The following TMEM101 variants were observed in gnomAD, a reference collection of about 807,000 sequenced individuals.
TMEM101 encodes putative NF-kappa-B-activating protein 130.
TMEM101 carries 14 observed loss-of-function variants against 26.0 expected under a neutral mutation model. The ratio of observed to expected loss-of-function variants is 0.54; its 90% CI spans 0.36 to 0.84. TMEM101 has a LOEUF of 0.84. Ranked by LOEUF, TMEM101 falls within the 40% of genes least tolerant of loss-of-function variation. The pLI is 0.01. For missense variants in TMEM101, 292 were observed against 345.1 expected, an observed-to-expected ratio of 0.85 and a Z score of 1.22; for synonymous variants, 152 against 145.1, an observed-to-expected ratio of 1.05 and a Z score of -0.34.
Position 44,011,702 on chromosome 17 carries a change from A to G in TMEM101, c.*226T>C. On this transcript the variant is annotated 3_prime_UTR_variant, in exon 4 of 4. Coordinates refer to ENST00000206380, the MANE Select transcript of TMEM101 (RefSeq NM_032376.4). Reference sequence around the variant, plus strand: ...CTGGCCTCAGCTCTCCTAACAGGAAAAAAACCTGTACAGCATTAGTGCCAG... The same window carrying G: ...CTGGCCTCAGCTCTCCTAACAGGAAGAAAACCTGTACAGCATTAGTGCCAG... The G allele has an allele frequency of 1.8e-6, 1 of 555,256 alleles. No individual in the cohort carries two copies. The highest frequency in any genetic ancestry group is 2.3e-5 in the South Asian group (1 of 43,716). 34.4% of individuals were successfully genotyped at this position (555,256 alleles called of 1,614,324 possible). A position where few individuals can be genotyped will look rare whatever the true frequency, so the allele number is the denominator to read the frequency against.
At chr17:44,016,939 C>G (rs901556540), upstream of TMEM101, among the ~76,000 whole-genome samples, 1 of 151,806 alleles carries the variant, frequency 6.6e-6, no homozygotes, top group African/African-American at 2.4e-5. Flanking sequence ...TCAAGACCAG[C>G]CTGGCCAAGA....
Position 44,011,809 on chromosome 17 carries a change from G to T in TMEM101, c.*119C>A. 2 of 1,185,798 alleles carry T rather than the reference G, an allele frequency of 1.7e-6. No individual in the cohort carries two copies. Among genetic ancestry groups the T allele is most frequent in the South Asian group, 1.5e-5 (1 of 65,154 alleles). 73.5% of individuals were successfully genotyped at this position (1,185,798 alleles called of 1,614,324 possible). On this transcript the variant is annotated 3_prime_UTR_variant, in exon 4 of 4. Transcript: ENST00000206380. ...AACTGCAAAAAACAATTTTAAAAAA[G>T]CAAAAGATCAAACAAACAGACCAAA...
rs184694915 is a variant in TMEM101 at position 44,020,809 on chromosome 17, G to A, written c.-210+513C>T. Among the ~76,000 whole-genome samples, 9 of 152,316 alleles carry A rather than the reference G, an allele frequency of 5.9e-5. No individual in the cohort carries two copies. The East Asian group carries it at 1.3e-3, about 23-fold the overall frequency. ...AATGTTAGCAGGGACAATTCTCCAA[G>A]GTAGCCCATTCCCAGCGGCCTCTGG... On this transcript the variant is annotated intron_variant, in intron 2 of 4. Coordinates refer to the TMEM101 transcript ENST00000585950.
chr17:44,017,466 C>A (rs975957681), upstream of TMEM101, among the ~76,000 whole-genome samples: 5 of 151,592 alleles, frequency 3.3e-5, no homozygotes, highest in African/African-American at 1.2e-4. Context: ...TGGTGGCAGG[C>A]GCCTGCAGTC....
intron 1 of TMEM101, 48 bp from the exon 2 acceptor site, chr17:44,014,585 G>T: frequency 6.4e-7 from 1 of 1,557,780 alleles, no homozygotes; most frequent in Non-Finnish European, 8.7e-7. Flanking sequence ...GAAGCGGTGG[G>T]GGAAGAAGCT....
chr17:44,014,869 A>G lies in TMEM101; in HGVS notation c.84T>C (p.Phe28=). The change falls in exon 1 of 4, where the codon TTT becomes TTC. Residue 28 remains phenylalanine, a synonymous_variant. Transcript: ENST00000206380. ...LGSVLLTRCP[F]WGCFSQLMLY... ...GCATGAGCTGGCTGAAGCAGCCCCA[A>G]AAGGGGCAGCGTGTGAGCAGCACCG... 2.5e-6 allele frequency: 4 copies of G among 1,613,854 alleles called. No individual in the cohort carries two copies. The highest frequency in any genetic ancestry group is 3.4e-6 in the Non-Finnish European group (4 of 1,179,838).
upstream of TMEM101, among the ~76,000 whole-genome samples, chr17:44,019,036 TC>T (rs2049260194): frequency 6.6e-6 from 1 of 152,070 alleles, no homozygotes; most frequent in Admixed American, 6.6e-5. Flanking sequence ...GTCCCCCCAC[TC>T]CCAGTTCCTC....
upstream of TMEM101, among the ~76,000 whole-genome samples, chr17:44,015,694 G>A (rs570955178): frequency 1.1e-3 from 173 of 152,288 alleles, no homozygotes; most frequent in Non-Finnish European, 1.8e-3. Context: ...CGCCAGGCCA[G>A]AGTTGTGAAC....
chr17:44,011,345 C>G lies in TMEM101; in HGVS notation c.*583G>C, dbSNP rs2144001086. On this transcript the variant is annotated 3_prime_UTR_variant, in exon 4 of 4. Coordinates refer to ENST00000206380, the MANE Select transcript of TMEM101 (RefSeq NM_032376.4). The stretch of plus-strand genomic sequence containing the variant: ...CACCCCTTCACAGCCCAGAGCAGAA[C>G]AGGGTCTGCTCTACTCTCAAGGTGA... 1 of 153,650 alleles carries G rather than the reference C, an allele frequency of 6.5e-6. No individual in the cohort carries two copies. Among genetic ancestry groups the G allele is most frequent in the East Asian group, 1.9e-4 (1 of 5,190 alleles). 9.5% of individuals were successfully genotyped at this position (153,650 alleles called of 1,614,324 possible).
At chr17:44,017,365 C>T (rs1014604287), upstream of TMEM101, among the ~76,000 whole-genome samples, 45 of 150,474 alleles carry the variant, frequency 3.0e-4, no homozygotes, top group African/African-American at 9.5e-4. Context: ...TTTGGGAGGC[C>T]AAGGATCACG....
upstream of TMEM101, among the ~76,000 whole-genome samples, chr17:44,015,307 C>T (rs901400102): frequency 1.3e-5 from 2 of 152,232 alleles, no homozygotes; most frequent in East Asian, 3.8e-4. Context: ...TGATTCTGGG[C>T]ACATCACCTA....
At position 44,014,557 on chromosome 17, in the gene TMEM101, A is replaced by G. The variant is rs781131818; in HGVS notation, c.138-20T>C. ...GGCTTCCTGCGAGCCGGGAGTGGGG[A>G]AGCAACGAGGACAGAATGAAGCGGT... On this transcript the variant is annotated intron_variant, in intron 1 of 3. Coordinates refer to ENST00000206380, the MANE Select transcript of TMEM101 (RefSeq NM_032376.4). 1 of 1,568,640 alleles carries G rather than the reference A, an allele frequency of 6.4e-7. No individual in the cohort carries two copies. The highest frequency in any genetic ancestry group is 8.7e-7 in the Non-Finnish European group (1 of 1,154,418).
At chr17:44,014,279 C>G in intron 2 of TMEM101, 78 bp downstream of exon 2, 1 of 1,481,630 alleles carries the variant, frequency 6.7e-7, no homozygotes, top group Non-Finnish European at 9.1e-7. Flanking sequence ...CCATTCATCG[C>G]CCACCAACAG....
upstream of TMEM101, among the ~76,000 whole-genome samples, chr17:44,019,749 C>G (rs1034249247): frequency 6.6e-6 from 1 of 152,108 alleles, no homozygotes; most frequent in Non-Finnish European, 1.5e-5. Flanking sequence ...AATACTCTTA[C>G]GGATACACAG....
At chr17:44,017,717 C>T (rs896749852), upstream of TMEM101, among the ~76,000 whole-genome samples, 9 of 150,060 alleles carry the variant, frequency 6.0e-5, no homozygotes, top group African/African-American at 2.0e-4. Flanking sequence ...GAGCCAAGTT[C>T]GCGCCATTGC....
chr17:44,016,106 G>A (rs1240025675), upstream of TMEM101, among the ~76,000 whole-genome samples: 3 of 151,320 alleles, frequency 2.0e-5, no homozygotes, highest in Admixed American at 6.6e-5. Flanking sequence ...TAGATAGATA[G>A]ATAGATATAG....
chr17:44,022,408 T>C (rs960832529), intron 1 of TMEM101, among the ~76,000 whole-genome samples: 1 of 152,228 alleles, frequency 6.6e-6, no homozygotes, highest in Admixed American at 6.5e-5. Context: ...TTTTCATCAA[T>C]AGGCTGATAG....
rs1451730658 is a variant in TMEM101 at position 44,013,062 on chromosome 17, G to A, written c.412C>T (p.Arg138Cys). The A allele has an allele frequency of 8.1e-6, 13 of 1,609,552 alleles. No individual in the cohort carries two copies. Among genetic ancestry groups the A allele is most frequent in the Middle Eastern group, 1.6e-4 (1 of 6,066 alleles). The change falls in exon 3 of 4, where the codon CGC becomes TGC. Residue 138 changes from arginine (R) to cysteine (C), a missense_variant. Physicochemically the swap from Arg to Cys is radical, Grantham distance 180. Coordinates refer to ENST00000206380, the MANE Select transcript of TMEM101 (RefSeq NM_032376.4). Reference sequence around the variant, plus strand: ...ACCTGGCCGGTGGACTGCAGGGAGCGGCTGCGAGGTTTCCGGCGGTACAGC... The same window carrying A: ...ACCTGGCCGGTGGACTGCAGGGAGCAGCTGCGAGGTTTCCGGCGGTACAGC... ...GELYRRKPRS[R>C]SLQSTGQVFL...
At chr17:44,018,718 TA>T (rs1460799902), upstream of TMEM101, among the ~76,000 whole-genome samples, 1 of 152,160 alleles carries the variant, frequency 6.6e-6, no homozygotes, top group Non-Finnish European at 1.5e-5. Flanking sequence ...CCTCCCATCA[TA>T]ACCTTAGCAA....
Sources: allele counts gnomAD v4.1 joint callset (sites outside exome capture counted in the v4.1 genomes callset), GRCh38; gene constraint gnomAD v4.1.1; transcripts MANE v1.5; gene names NCBI Gene and HGNC (gene_info 2026-07-23, HGNC 2026-07-21).